Variants in UNC79 observed in about 807,000 individuals in gnomAD.
UNC79 encodes unc-79 subunit of NALCN channel complex.
A neutral mutation model predicts 283.1 loss-of-function variants in UNC79; 37 were observed. The ratio of observed to expected loss-of-function variants is 0.13; its 90% CI spans 0.10 to 0.17. The LOEUF (loss-of-function observed/expected upper bound fraction) is 0.17, where lower values mean the gene tolerates loss of function less well. Among genes scored for constraint, UNC79 ranks in the 10% least tolerant of loss-of-function variants. UNC79 has a pLI of 1.00. For synonymous variants in UNC79, 1,107 were observed against 1,200.2 expected, an observed-to-expected ratio of 0.92 and a Z score of 1.61; for missense variants, 2,272 against 3,211.1, an observed-to-expected ratio of 0.71 and a Z score of 7.07.
chr14:93,380,451 C>A (rs1248582735), intron 1 of UNC79, among the ~76,000 whole-genome samples: 1 of 152,194 alleles, frequency 6.6e-6, no homozygotes, highest in African/African-American at 2.4e-5. Context: ...TGCTTATCTT[C>A]AGGTCTCAGT....
chr14:93,536,900 G>C (rs2061114673), intron 11 of UNC79, among the ~76,000 whole-genome samples: 3 of 149,984 alleles, frequency 2.0e-5, no homozygotes, highest in Admixed American at 1.3e-4. Flanking sequence ...TTCCTACTGA[G>C]ACCACATTTT....
chr14:93,620,119 A>T (rs1393303303), intron 29 of UNC79, among the ~76,000 whole-genome samples: 1 of 152,242 alleles, frequency 6.6e-6, no homozygotes, highest in African/African-American at 2.4e-5. Flanking sequence ...CGGTTTGTTT[A>T]TGTAGGATTA....
chr14:93,381,611 G>T (rs1031834578), intron 1 of UNC79, among the ~76,000 whole-genome samples: 2 of 152,238 alleles, frequency 1.3e-5, no homozygotes, highest in African/African-American at 2.4e-5. Context: ...TGTCTTAAGA[G>T]TCTGCCTAAA....
intron 39 of UNC79, among the ~76,000 whole-genome samples, chr14:93,660,771 G>T (rs1265674004): frequency 6.6e-6 from 1 of 151,112 alleles, no homozygotes; most frequent in Non-Finnish European, 1.5e-5. Context: ...TGTATTTTTA[G>T]TAGAGATGAG....
intron 1 of UNC79, among the ~76,000 whole-genome samples, chr14:93,406,197 G>GAA (rs201309311): frequency 1.3e-5 from 2 of 151,812 alleles, no homozygotes; most frequent in African/African-American, 4.8e-5. Flanking sequence ...AAAAATTCTA[G>GAA]AAAAAAAATT....
chr14:93,579,020 G>A (rs886495747), intron 18 of UNC79, among the ~76,000 whole-genome samples: 10 of 151,728 alleles, frequency 6.6e-5, no homozygotes, highest in Non-Finnish European at 1.5e-4. Flanking sequence ...ATACTTATGG[G>A]GCCTTGACAT....
intron 14 of UNC79, 64 bp from the exon 15 acceptor site, chr14:93,571,830 C>T: frequency 2.5e-6 from 4 of 1,573,672 alleles, no homozygotes; most frequent in Non-Finnish European, 3.5e-6. Flanking sequence ...TTAGGAAGTC[C>T]TTGAGTATAA....
intron 38 of UNC79, among the ~76,000 whole-genome samples, chr14:93,658,559 T>C (rs894579542): frequency 6.6e-6 from 1 of 152,218 alleles, no homozygotes; most frequent in Admixed American, 6.5e-5. Context: ...GTAAACTCAA[T>C]TTAAAAAGTA....
At chr14:93,600,056 C>G (rs779242381) in intron 24 of UNC79, among the ~76,000 whole-genome samples, 1 of 151,680 alleles carries the variant, frequency 6.6e-6, no homozygotes, top group Non-Finnish European at 1.5e-5. Flanking sequence ...AAAAATTAGC[C>G]GGGCGTGGTG....
intron 32 of UNC79, among the ~76,000 whole-genome samples, chr14:93,639,391 G>A (rs566554773): frequency 2.3e-4 from 35 of 152,270 alleles, no homozygotes; most frequent in Admixed American, 1.6e-3. Context: ...GCGGTTTACC[G>A]TGCTATTTAG....
chr14:93,618,174 T>C lies in UNC79; in HGVS notation c.4225-18T>C, dbSNP rs775217204. 1 of 1,598,856 alleles carries C rather than the reference T, an allele frequency of 6.3e-7. No individual in the cohort carries two copies. The highest frequency in any genetic ancestry group is 8.5e-7 in the Non-Finnish European group (1 of 1,173,556). ...TAAAATAACCATTTATCTTTTTCTC[T>C]CTCGTTTCATTGGGCAGTATCCATA... is the stretch of plus-strand genomic sequence containing the variant. On this transcript the variant is annotated intron_variant, in intron 28 of 48. Transcript: ENST00000555664.
At chr14:93,344,816 GGAGAT>G (rs1402611849) in intron 1 of UNC79, among the ~76,000 whole-genome samples, 2 of 152,216 alleles carry the variant, frequency 1.3e-5, no homozygotes, top group East Asian at 3.8e-4. Context: ...CTGAGAACAA[GGAGAT>G]GAGGTTAGGG....
At chr14:93,453,930 T>G (rs2056722196) in intron 1 of UNC79, among the ~76,000 whole-genome samples, 1 of 152,228 alleles carries the variant, frequency 6.6e-6, no homozygotes. Flanking sequence ...AACAGAAACC[T>G]CCTTTTTTGA....
intron 3 of UNC79, among the ~76,000 whole-genome samples, chr14:93,477,156 G>A (rs1274906720): frequency 6.6e-6 from 1 of 152,128 alleles, no homozygotes; most frequent in Non-Finnish European, 1.5e-5. Context: ...ACTCCAGATG[G>A]TTTGATTGAT....
At chr14:93,597,313 A>G in intron 23 of UNC79, 46 bp from the exon 24 acceptor site, 3 of 1,582,102 alleles carry the variant, frequency 1.9e-6, no homozygotes, top group Non-Finnish European at 2.6e-6. Flanking sequence ...GTGTGCCTGT[A>G]GGTGTGTGTG....
chr14:93,577,535 A>G (rs1566688773), intron 17 of UNC79, among the ~76,000 whole-genome samples: 1 of 152,136 alleles, frequency 6.6e-6, no homozygotes, highest in Non-Finnish European at 1.5e-5. Context: ...TCGGGGTACA[A>G]TTTTCAGTAG....
chr14:93,495,351 A>G (rs1042453590), intron 5 of UNC79, among the ~76,000 whole-genome samples: 1 of 152,180 alleles, frequency 6.6e-6, no homozygotes, highest in Non-Finnish European at 1.5e-5. Context: ...AACTGCCTTT[A>G]TGAAACCATC....
intron 1 of UNC79, among the ~76,000 whole-genome samples, chr14:93,365,058 C>T (rs1225727313): frequency 1.3e-5 from 2 of 151,748 alleles, no homozygotes; most frequent in African/African-American, 4.8e-5. Context: ...CATAGGGAGA[C>T]CCTATCTCTA....
chr14:93,558,638 A>G (rs1225370315), intron 14 of UNC79, among the ~76,000 whole-genome samples: 1 of 51,498 alleles, frequency 1.9e-5, no homozygotes, highest in Non-Finnish European at 3.3e-5. Flanking sequence ...TTTTTTTTTT[A>G]CCATTTACTT....
Sources: gnomAD v4.1 joint callset for allele counts (sites outside exome capture counted in the v4.1 genomes callset) on GRCh38, gnomAD v4.1.1 for gene constraint, MANE v1.5 for transcripts, NCBI Gene and HGNC (gene_info 2026-07-23, HGNC 2026-07-21) for gene names.